Variants in TRIM24 observed in about 807,000 individuals in gnomAD.
The protein encoded by TRIM24 is transcription intermediary factor 1-alpha.
In TRIM24, 29 loss-of-function variants were observed where a neutral mutation model predicts 123.9. The ratio of observed to expected loss-of-function variants is 0.23; its 90% CI spans 0.17 to 0.32. TRIM24 has a LOEUF of 0.32. Ranked by LOEUF, TRIM24 falls within the 10% of genes least tolerant of loss-of-function variation. TRIM24 has a pLI of 1.00. For synonymous variants in TRIM24, 456 were observed against 461.1 expected (o/e 0.99, Z 0.14); for missense variants, 932 against 1,295.3 (o/e 0.72, Z 4.31).
chr7:138,500,287 T>C (rs1161899636), intron 1 of TRIM24, among the ~76,000 whole-genome samples: 1 of 152,048 alleles, frequency 6.6e-6, no homozygotes. Flanking sequence ...AGGCCAGGTA[T>C]GATGGGTTAT....
chr7:138,518,951 T>C (rs1029943059), intron 3 of TRIM24, among the ~76,000 whole-genome samples: 1 of 152,220 alleles, frequency 6.6e-6, no homozygotes, highest in Non-Finnish European at 1.5e-5. Flanking sequence ...TTTCATTTAC[T>C]CCTGAACTAA....
chr7:138,497,335 C>T (rs1359430830), intron 1 of TRIM24, among the ~76,000 whole-genome samples: 3 of 150,580 alleles, frequency 2.0e-5, no homozygotes, highest in Non-Finnish European at 4.4e-5. Flanking sequence ...TCCAAAGTGC[C>T]AGTATTACAG....
intron 2 of TRIM24, among the ~76,000 whole-genome samples, chr7:138,511,381 A>G (rs745565009): frequency 5.9e-5 from 9 of 151,556 alleles, no homozygotes; most frequent in Non-Finnish European, 8.8e-5. Context: ...GCTCACTGCA[A>G]CCTCTGCCTC....
rs75867390 is a variant in TRIM24, at chr7:138,557,965, T to C, written c.1530+2999T>C. ...TATTCTCTCAGGGGGCCATTCATCATCTTTCTAATTCCTATGGTTATGCCC... is the reference window on the plus strand; with the variant it reads ...TATTCTCTCAGGGGGCCATTCATCACCTTTCTAATTCCTATGGTTATGCCC... On this transcript the variant is annotated intron_variant, in intron 9 of 18. Coordinates refer to ENST00000343526, the MANE Select transcript of TRIM24 (RefSeq NM_015905.3). 4.3e-3 allele frequency among the ~76,000 whole-genome samples: 648 copies of C among 152,336 alleles called. 6 individuals are homozygous for C. Among genetic ancestry groups the C allele is most frequent in the African/African-American group, 0.015 (633 of 41,562 alleles).
intron 6 of TRIM24, among the ~76,000 whole-genome samples, chr7:138,532,767 A>G (rs1258228808): frequency 4.6e-5 from 7 of 152,156 alleles, no homozygotes; most frequent in Admixed American, 1.3e-4. Context: ...TTGGTAGCTC[A>G]ACGGGGATGG....
At chr7:138,568,218 A>G (rs931870738) in intron 10 of TRIM24, among the ~76,000 whole-genome samples, 1 of 151,540 alleles carries the variant, frequency 6.6e-6, no homozygotes, top group Non-Finnish European at 1.5e-5. Flanking sequence ...TCCTGGGTTC[A>G]CACCATTTCT....
chr7:138,563,388 G>A (rs112011510), intron 9 of TRIM24, among the ~76,000 whole-genome samples: 5,524 of 152,166 alleles, frequency 0.036, 150 homozygotes, highest in Middle Eastern at 0.088. Flanking sequence ...AACCTCAGCC[G>A]GCTTTTGAGC....
chr7:138,466,254 C>T (rs999194893), intron 1 of TRIM24, among the ~76,000 whole-genome samples: 10 of 152,142 alleles, frequency 6.6e-5, no homozygotes, highest in East Asian at 3.9e-4. Context: ...CTCGGCCTCC[C>T]GAAGTGCTGG....
At chr7:138,579,136 A>G (rs1797838609) in intron 14 of TRIM24, 68 bp from the exon 15 acceptor site, 1 of 1,315,444 alleles carries the variant, frequency 7.6e-7, no homozygotes, top group South Asian at 1.5e-5. Context: ...AGTGGTCTAC[A>G]GTTCAGAATT....
intron 1 of TRIM24, chr7:138,490,637 A>G: frequency 3.0e-6 from 1 of 333,714 alleles, no homozygotes; most frequent in Non-Finnish European, 5.7e-6. Flanking sequence ...CACGTATCTC[A>G]TCCCCAGTTG....
intron 4 of TRIM24, among the ~76,000 whole-genome samples, chr7:138,523,907 C>A (rs1584717808): frequency 2.0e-5 from 3 of 152,060 alleles, no homozygotes; most frequent in Non-Finnish European, 4.4e-5. Context: ...CAGTCTCACT[C>A]ATGAAATGAA....
At chr7:138,473,497 C>G (rs1291908877) in intron 1 of TRIM24, among the ~76,000 whole-genome samples, 2 of 152,194 alleles carry the variant, frequency 1.3e-5, no homozygotes, top group Non-Finnish European at 2.9e-5. Context: ...GATTTCTCCA[C>G]TCTAAAGCTA....
At chr7:138,536,682 A>G (rs1210998690) in intron 6 of TRIM24, among the ~76,000 whole-genome samples, 1 of 152,204 alleles carries the variant, frequency 6.6e-6, no homozygotes, top group East Asian at 1.9e-4. Context: ...TTGAGGAGGT[A>G]GTCTGTCCGT....
chr7:138,535,604 T>G (rs1796852238), intron 6 of TRIM24, among the ~76,000 whole-genome samples: 1 of 152,228 alleles, frequency 6.6e-6, no homozygotes, highest in African/African-American at 2.4e-5. Context: ...CTGATGGGCT[T>G]CCCTTTGTGG....
intron 1 of TRIM24, among the ~76,000 whole-genome samples, chr7:138,502,724 T>A (rs1416652666): frequency 6.6e-6 from 1 of 152,192 alleles, no homozygotes; most frequent in African/African-American, 2.4e-5. Flanking sequence ...TTCTCTGAAA[T>A]GCATTGTGAC....
At chr7:138,500,518 A>G (rs2116518985) in intron 1 of TRIM24, among the ~76,000 whole-genome samples, 1 of 149,634 alleles carries the variant, frequency 6.7e-6, no homozygotes, top group African/African-American at 2.5e-5. Flanking sequence ...AGCCAAGATC[A>G]TGCTGCTGCA....
chr7:138,467,348 T>TGTTTA (rs58290339), intron 1 of TRIM24, among the ~76,000 whole-genome samples: 70,923 of 151,542 alleles, frequency 0.47, 17,535 homozygotes, highest in Middle Eastern at 0.57. Context: ...TGTTTTGTTT[T>TGTTTA]GTTTTGTTTT....
intron 2 of TRIM24, among the ~76,000 whole-genome samples, chr7:138,512,494 C>T (rs1796311177): frequency 6.6e-6 from 1 of 152,124 alleles, no homozygotes. Flanking sequence ...GAAATCCAGG[C>T]AGAGAGAGGC....
chr7:138,490,523 T>C (rs2116497638), intron 1 of TRIM24: 1 of 198,410 alleles, frequency 5.0e-6, no homozygotes, highest in South Asian at 8.5e-5. Context: ...TCCTAGCCCC[T>C]GGTAACCTCT....
Sources: allele counts gnomAD v4.1 joint callset (sites outside exome capture counted in the v4.1 genomes callset), GRCh38; gene constraint gnomAD v4.1.1; transcripts MANE v1.5; gene names NCBI Gene and HGNC (gene_info 2026-07-23, HGNC 2026-07-21).